LCP2: variants seen among roughly 807,000 people sequenced by gnomAD.
LCP2 encodes the protein 76 kDa tyrosine phosphoprotein.
Under a neutral mutation model 74.5 loss-of-function variants are expected in LCP2, and 29 were observed. The ratio of observed to expected loss-of-function variants is 0.39; its 90% CI spans 0.29 to 0.53. LCP2 has a LOEUF of 0.53. LCP2 is among the 20% of genes least tolerant of loss of function. The pLI is 0.72. For missense variants in LCP2, 604 were observed against 634.6 expected (o/e 0.95, Z 0.52); for synonymous variants, 228 against 229.5 (o/e 0.99, Z 0.06).
chr5:170,260,526 T>C (rs949944265), intron 14 of LCP2, among the ~76,000 whole-genome samples: 3 of 152,216 alleles, frequency 2.0e-5, no homozygotes, highest in Non-Finnish European at 4.4e-5. Flanking sequence ...GATGTTTCCT[T>C]ATGGGTTCAT....
At chr5:170,285,544 G>T (rs1004241062) in intron 3 of LCP2, among the ~76,000 whole-genome samples, 1 of 152,118 alleles carries the variant, frequency 6.6e-6, no homozygotes, top group South Asian at 2.1e-4. Context: ...TTTCTTTTGG[G>T]TCTTGCTTTT....
intron 3 of LCP2, among the ~76,000 whole-genome samples, chr5:170,278,813 C>G (rs1230928713): frequency 6.6e-6 from 1 of 152,162 alleles, no homozygotes; most frequent in East Asian, 1.9e-4. Flanking sequence ...AGCAGAGGAG[C>G]AGCAAAGAGC....
chr5:170,289,671 T>TTCTTTCCTTCTTTCTTTCTCTC (rs1554141414), intron 2 of LCP2, among the ~76,000 whole-genome samples: 1 of 84,048 alleles, frequency 1.2e-5, no homozygotes, highest in African/African-American at 4.5e-5. Flanking sequence ...CTTTCTTTCT[T>TTCTTTCCTTCTTTCTTTCTCTC]TCTCTCTCTC....
Position 170,248,516 on chromosome 5 carries a change from A to C in LCP2, c.*181T>G. ...TTACAAACATTGAAGAAGAATAAAT[A>C]AATTATGGGATAGTTGACAGTCTTC... On this transcript the variant is annotated 3_prime_UTR_variant, in exon 21 of 21. Coordinates refer to ENST00000046794, the MANE Select transcript of LCP2 (RefSeq NM_005565.5). The C allele has an allele frequency of 1.6e-6, 1 of 620,592 alleles. No homozygotes were observed. The highest frequency in any genetic ancestry group is 2.8e-6 in the Non-Finnish European group (1 of 354,456). The allele number at this position is 620,592 out of a possible 1,614,324, so 38.4% of individuals were successfully genotyped here. A position where few individuals can be genotyped will look rare whatever the true frequency, so the allele number is the denominator to read the frequency against.
chr5:170,275,925 C>G, intron 3 of LCP2, 65 bp from the exon 4 acceptor site: 1 of 1,376,570 alleles, frequency 7.3e-7, no homozygotes, highest in Non-Finnish European at 1.0e-6. Flanking sequence ...CCCCCTGACC[C>G]TTGATATCCC....
intron 2 of LCP2, among the ~76,000 whole-genome samples, chr5:170,293,054 G>A (rs185038019): frequency 3.5e-3 from 539 of 152,286 alleles, no homozygotes; most frequent in Admixed American, 6.6e-3. Flanking sequence ...AGGATGGATG[G>A]CATTTAAATA....
chr5:170,296,742 C>T (rs527970919), intron 1 of LCP2, among the ~76,000 whole-genome samples: 7 of 152,320 alleles, frequency 4.6e-5, no homozygotes, highest in African/African-American at 1.7e-4. Flanking sequence ...GATCCTTCAA[C>T]CTTTCCTCTA....
At chr5:170,260,798 T>C (rs552122744) in intron 14 of LCP2, among the ~76,000 whole-genome samples, 1 of 152,350 alleles carries the variant, frequency 6.6e-6, no homozygotes, top group East Asian at 1.9e-4. Flanking sequence ...ACTTCTGGCC[T>C]TCCCTTACTT....
intron 15 of LCP2, chr5:170,258,590 T>C: frequency 2.5e-6 from 1 of 397,708 alleles, no homozygotes; most frequent in Non-Finnish European, 4.5e-6. Flanking sequence ...ATGTGAGAAA[T>C]GTTTCCATCA....
At position 170,297,688 on chromosome 5, in the gene LCP2, C is replaced by T; in HGVS notation, c.-77G>A. 7.7e-7 allele frequency: 1 copy of T among 1,298,240 alleles called. No homozygotes were observed. Among genetic ancestry groups the T allele is most frequent in the Non-Finnish European group, 1.1e-6 (1 of 932,594 alleles). 80.4% of individuals were successfully genotyped at this position (1,298,240 alleles called of 1,614,324 possible). On this transcript the variant is annotated 5_prime_UTR_variant, in exon 1 of 21. Transcript: ENST00000046794. ...TGGGCAGAGAAGCTCAAATCCAGAG[C>T]TCGGAGGCGTTCTTGGCTCTTCCAA...
At position 170,249,657 on chromosome 5, in the gene LCP2, A is replaced by C. The variant is rs557064016; in HGVS notation, c.1480-838T>G. ...TTCATGATCTCTCTGCTGTGTCCTCACTGCCACCTTCACACTCATAAAGGC... is the reference window on the plus strand; with the variant it reads ...TTCATGATCTCTCTGCTGTGTCCTCCCTGCCACCTTCACACTCATAAAGGC... On this transcript the variant is annotated intron_variant, in intron 20 of 20. Coordinates refer to ENST00000046794, the MANE Select transcript of LCP2 (RefSeq NM_005565.5). 2.0e-5 allele frequency among the ~76,000 whole-genome samples: 3 copies of C among 152,206 alleles called. No individual in the cohort carries two copies. In the East Asian group the frequency reaches 5.8e-4, roughly 29 times the overall value.
intron 6 of LCP2, among the ~76,000 whole-genome samples, chr5:170,273,023 T>G (rs1423310111): frequency 7.0e-6 from 1 of 142,488 alleles, no homozygotes; most frequent in Non-Finnish European, 1.5e-5. Context: ...GAATCACTGT[T>G]TGCTCAAATA....
At chr5:170,266,521 T>A (rs1761758971) in intron 10 of LCP2, among the ~76,000 whole-genome samples, 1 of 152,178 alleles carries the variant, frequency 6.6e-6, no homozygotes, top group Non-Finnish European at 1.5e-5. Flanking sequence ...ATCATCCACA[T>A]CACATAGAGA....
intron 15 of LCP2, chr5:170,258,474 A>G (rs573998513): frequency 5.7e-6 from 2 of 348,622 alleles, no homozygotes; most frequent in Admixed American, 8.5e-5. Flanking sequence ...AACCTTATAA[A>G]TTTCAGAAAT....
intron 10 of LCP2, among the ~76,000 whole-genome samples, chr5:170,265,991 T>G (rs1179509033): frequency 6.6e-6 from 1 of 152,208 alleles, no homozygotes; most frequent in East Asian, 1.9e-4. Context: ...TTTAGGCAAA[T>G]TATTCAACTT....
intron 5 of LCP2, 35 bp downstream of exon 5, chr5:170,275,285 C>G (rs1264645547): frequency 6.2e-7 from 1 of 1,613,318 alleles, no homozygotes; most frequent in Admixed American, 1.7e-5. Flanking sequence ...CTATCACCTC[C>G]TAAAGCAATC....
chr5:170,277,510 G>A (rs1762026914), intron 3 of LCP2, among the ~76,000 whole-genome samples: 1 of 152,040 alleles, frequency 6.6e-6, no homozygotes, highest in Admixed American at 6.6e-5. Context: ...CACTTTGGGA[G>A]GCTGAGGTGA....
At position 170,247,961 on chromosome 5, in the gene LCP2, C is replaced by T. The variant is rs1214353257; in HGVS notation, c.*736G>A. 1 of 152,144 alleles carries T rather than the reference C, an allele frequency of 6.6e-6. No homozygotes were observed. The highest frequency in any genetic ancestry group is 6.5e-5 in the Admixed American group (1 of 15,272). The allele number at this position is 152,144 out of a possible 1,614,324, so 9.4% of individuals were successfully genotyped here. ...CATTAAACCTAGACCCACGATACACCAAAGTCTCATCCCTAAATTTAAAAT... is the reference window on the plus strand; with the variant it reads ...CATTAAACCTAGACCCACGATACACTAAAGTCTCATCCCTAAATTTAAAAT... On this transcript the variant is annotated 3_prime_UTR_variant, in exon 21 of 21. Transcript: ENST00000046794.
At chr5:170,294,286 C>A (rs1332866441) in intron 1 of LCP2, among the ~76,000 whole-genome samples, 1 of 152,292 alleles carries the variant, frequency 6.6e-6, no homozygotes, top group South Asian at 2.1e-4. Flanking sequence ...ATTTTGCGAA[C>A]TTTTTTCTCC....
Sources: allele counts gnomAD v4.1 joint callset (sites outside exome capture counted in the v4.1 genomes callset), GRCh38; gene constraint gnomAD v4.1.1; transcripts MANE v1.5; gene names NCBI Gene and HGNC (gene_info 2026-07-23, HGNC 2026-07-21).